PARP2: variants seen among roughly 807,000 people sequenced by gnomAD.
PARP2 encodes the protein poly(ADP-ribose) polymerase 2.
Under a neutral mutation model 77.8 loss-of-function variants are expected in PARP2, and 57 were observed. The ratio of observed to expected loss-of-function variants is 0.73; its 90% confidence interval spans 0.59 to 0.91. The LOEUF is 0.91. Ranked by LOEUF, PARP2 falls within the 40% of genes least tolerant of loss-of-function variation. The pLI, the probability that PARP2 is intolerant of heterozygous loss-of-function variation, is 0.00. For missense variants in PARP2, 651 were observed against 689.0 expected (o/e 0.94, Z 0.62); for synonymous variants, 226 against 242.6 (o/e 0.93, Z 0.64).
rs775102391 is a variant in PARP2, at chr14:20,344,898, G to A, written c.47-34G>A. On this transcript the variant is annotated intron_variant, in intron 1 of 15. Transcript: ENST00000429687. Reference sequence around the variant, plus strand: ...TTAAAATCTACACGTATTCGGGTGTGTACTCATTCTTTGCTAATTTCCAAA... The same window carrying A: ...TTAAAATCTACACGTATTCGGGTGTATACTCATTCTTTGCTAATTTCCAAA... The A allele has an allele frequency of 2.4e-5, 31 of 1,284,376 alleles. 1 individual carries two copies. Among genetic ancestry groups the A allele is most frequent in the Non-Finnish European group, 3.5e-5 (31 of 881,146 alleles). The allele number at this position is 1,284,376 out of a possible 1,614,324, so 79.6% of individuals were successfully genotyped here.
Position 20,354,738 on chromosome 14 carries a change from G to A in PARP2, c.764-71G>A. On this transcript the variant is annotated intron_variant, in intron 8 of 15. Coordinates refer to ENST00000429687, the MANE Select transcript of PARP2 (RefSeq NM_001042618.2). ...AGTTGAAAGATGAAAGTCTTTTTTA[G>A]GGAAGGATGTTAAGTACAGTTCACT... 9.2e-6 allele frequency: 13 copies of A among 1,408,892 alleles called. 1 individual carries two copies. The highest frequency in any genetic ancestry group is 2.0e-4 in the Middle Eastern group (1 of 5,040). 87.3% of individuals were successfully genotyped at this position (1,408,892 alleles called of 1,614,324 possible).
rs1188602715 is a variant in PARP2, at chr14:20,356,175, T to G, written c.1102-132T>G. The G allele has an allele frequency of 1.3e-5, 18 of 1,404,496 alleles. No individual in the cohort carries two copies. In the East Asian group the frequency reaches 4.1e-4, roughly 32 times the overall value. 87.0% of individuals were successfully genotyped at this position (1,404,496 alleles called of 1,614,324 possible). The stretch of plus-strand genomic sequence containing the variant: ...TACTAGGGATTTGGGAAGGCCAAGC[T>G]TTTCCTAGCTGCCTTGTAAGACTGT... On this transcript the variant is annotated intron_variant, in intron 11 of 15. Transcript: ENST00000429687.
rs1362556952 is a variant in PARP2 at position 20,354,155 on chromosome 14, G to A, written c.671G>A (p.Arg224Gln). 11 of 1,612,116 alleles carry A rather than the reference G, an allele frequency of 6.8e-6. No homozygotes were observed. The East Asian group carries it at 2.0e-4, about 29-fold the overall frequency. Residue 224 changes from arginine to glutamine, a missense_variant, in exon 8 of 16, where the codon CGG becomes CAG. By Grantham distance (43) the Arg-to-Gln change is conservative. Transcript: ENST00000429687. The stretch of plus-strand genomic sequence containing the variant: ...AAGCCAGAGTCACAGCTAGATCTTC[G>A]GGTACAGGAGTTAATAAAGTTGATC... ...PLKPESQLDL[R>Q]VQELIKLICN...
intron 9 of PARP2, 37 bp from the exon 10 acceptor site, chr14:20,355,715 T>G: frequency 1.3e-6 from 2 of 1,554,880 alleles, no homozygotes; most frequent in Non-Finnish European, 1.8e-6. Context: ...TAGCCACATG[T>G]CAGAAAGCTC....
intron 5 of PARP2, 77 bp downstream of exon 5, chr14:20,350,699 T>C: frequency 1.1e-6 from 1 of 915,934 alleles, no homozygotes; most frequent in Non-Finnish European, 1.8e-6. Flanking sequence ...CAAAGGATTC[T>C]CTGGGTTTAA....
chr14:20,346,628 G>A (rs1424251544), intron 3 of PARP2: 8 of 394,310 alleles, frequency 2.0e-5, no homozygotes, highest in East Asian at 7.6e-5. Flanking sequence ...GCCACCATGC[G>A]CAGCCTAACT....
intron 4 of PARP2, among the ~76,000 whole-genome samples, chr14:20,349,717 A>C (rs537335939): frequency 1.2e-4 from 18 of 152,046 alleles, no homozygotes; most frequent in African/African-American, 4.3e-4. Flanking sequence ...CTAACATCTA[A>C]TGACCTTTTT....
chr14:20,357,326 T>C (rs569140366), intron 14 of PARP2, 70 bp from the exon 15 acceptor site: 18 of 1,538,116 alleles, frequency 1.2e-5, no homozygotes, highest in Non-Finnish European at 1.4e-5. Context: ...CTGATGGGAT[T>C]TTCTGTTTGG....
chr14:20,357,041 T>C lies in PARP2; in HGVS notation c.1330-10T>C, dbSNP rs1374899065. 2 of 1,548,486 alleles carry C rather than the reference T, an allele frequency of 1.3e-6. No individual in the cohort carries two copies. Among genetic ancestry groups the C allele is most frequent in the Non-Finnish European group, 8.9e-7 (1 of 1,119,984 alleles). ...AGAAGCTGACCTTGGTATTCATGTA[T>C]ATATTTCAGTTTGGGAAAGGAATCT... On this transcript the variant is annotated splice_polypyrimidine_tract_variant and intron_variant, in intron 13 of 15. Coordinates refer to ENST00000429687, the MANE Select transcript of PARP2 (RefSeq NM_001042618.2).
rs1566425575 is a variant in PARP2, at chr14:20,357,465, C to T, written c.1498C>T (p.His500Tyr). 1 of 1,614,016 alleles carries T rather than the reference C, an allele frequency of 6.2e-7. No homozygotes were observed. Among genetic ancestry groups the T allele is most frequent in the South Asian group, 1.1e-5 (1 of 91,066 alleles). ...GGCCGAAGGATTGCTTCAAGGTAAACATAGCACCAAGGGGCTGGGCAAGAT... is the reference window on the plus strand; with the variant it reads ...GGCCGAAGGATTGCTTCAAGGTAAATATAGCACCAAGGGGCTGGGCAAGAT... ...PKAEGLLQGKHSTKGLGKMAP... is the reference protein window; with the variant it reads ...PKAEGLLQGKYSTKGLGKMAP... The change falls in exon 15 of 16, where the codon CAT (histidine) becomes TAT (tyrosine). Residue 500 changes from histidine to tyrosine, a missense_variant. Coordinates refer to ENST00000429687, the MANE Select transcript of PARP2 (RefSeq NM_001042618.2).
Position 20,357,885 on chromosome 14 carries a change from A to G in PARP2, c.*88A>G. On this transcript the variant is annotated 3_prime_UTR_variant, in exon 16 of 16. Transcript: ENST00000429687. ...TGTGAATTTTGTGATATTTTATGTA[A>G]TAAAAACTGTACAGGTCTACCACTG... 1 of 1,239,412 alleles carries G rather than the reference A, an allele frequency of 8.1e-7. No homozygotes were observed. Among genetic ancestry groups the G allele is most frequent in the South Asian group, 1.3e-5 (1 of 76,600 alleles). The allele number at this position is 1,239,412 out of a possible 1,614,324, so 76.8% of individuals were successfully genotyped here.
chr14:20,343,745 A>G, intron 1 of PARP2, 58 bp downstream of exon 1: 2 of 1,555,766 alleles, frequency 1.3e-6, no homozygotes, highest in Non-Finnish European at 1.8e-6. Context: ...GAAAGGAACG[A>G]TGCCACCTAC....
chr14:20,344,961 G>A lies in PARP2; in HGVS notation c.76G>A (p.Gly26Ser). 6.2e-7 allele frequency: 1 copy of A among 1,614,006 alleles called. No individual in the cohort carries two copies. The highest frequency in any genetic ancestry group is 8.5e-7 in the Non-Finnish European group (1 of 1,179,940). The change falls in exon 2 of 16, where the codon GGC (glycine) becomes AGC (serine). Residue 26 changes from glycine (G) to serine (S), a missense_variant. By Grantham distance (56) the Gly-to-Ser change is moderately conservative. Transcript: ENST00000429687. ...ALNESKRVNN[G>S]NTAPEDSSPA... The stretch of plus-strand genomic sequence containing the variant: ...AAATGAAAGCAAAAGAGTTAATAAT[G>A]GCAACACGGCTCCAGAAGACTCTTC...
chr14:20,347,343 C>CAT (rs35217486), intron 4 of PARP2, among the ~76,000 whole-genome samples: 1 of 76,868 alleles, frequency 1.3e-5, no homozygotes, highest in Non-Finnish European at 2.3e-5. Flanking sequence ...TAAAGTCCTT[C>CAT]ATATGTGTGT....
chr14:20,352,384 TC>T, intron 7 of PARP2, 37 bp downstream of exon 7: 1 of 1,265,532 alleles, frequency 7.9e-7, no homozygotes, highest in South Asian at 1.2e-5. Flanking sequence ...AAACACATCT[TC>T]TTTTTTTATT....
At chr14:20,351,422 G>A (rs968330491) in intron 6 of PARP2, among the ~76,000 whole-genome samples, 6 of 151,944 alleles carry the variant, frequency 3.9e-5, no homozygotes, top group African/African-American at 7.2e-5. Context: ...CAGGTGATCC[G>A]CCTGCCTCAG....
chr14:20,352,021 G>A (rs1027483195), intron 6 of PARP2, among the ~76,000 whole-genome samples: 2 of 152,214 alleles, frequency 1.3e-5, no homozygotes, highest in Non-Finnish European at 2.9e-5. Context: ...GTTTGGGAAG[G>A]ACAAGCATTG....
chr14:20,354,869 G>A lies in PARP2; in HGVS notation c.824G>A (p.Cys275Tyr), dbSNP rs199986271. Residue 275 changes from cysteine (C) to tyrosine (Y), a missense_variant, in exon 9 of 16, where the codon TGT (cysteine) becomes TAT (tyrosine). By Grantham distance (194) the Cys-to-Tyr change is radical. Coordinates refer to ENST00000429687, the MANE Select transcript of PARP2 (RefSeq NM_001042618.2). ...GYQSLKKIED[C>Y]IRAGQHGRAL... ...CAGTCTCTTAAGAAGATTGAGGATT[G>A]TATTCGGGCTGGCCAGCATGGACGA... 7.4e-6 allele frequency: 12 copies of A among 1,613,828 alleles called. No individual in the cohort carries two copies. Among genetic ancestry groups the A allele is most frequent in the Non-Finnish European group, 1.0e-5 (12 of 1,179,920 alleles).
chr14:20,354,005 A>C lies in PARP2; in HGVS notation c.601-80A>C. 2 of 1,108,150 alleles carry C rather than the reference A, an allele frequency of 1.8e-6. 1 individual carries two copies. Among genetic ancestry groups the C allele is most frequent in the South Asian group, 2.7e-5 (2 of 72,876 alleles). 68.6% of individuals were successfully genotyped at this position (1,108,150 alleles called of 1,614,324 possible). ...TATAAAAACTTTACAAAGCATTTAC[A>C]TTGTATAATATTGGGTGTTATAAGG... is the stretch of plus-strand genomic sequence containing the variant. On this transcript the variant is annotated intron_variant, in intron 7 of 15. Transcript: ENST00000429687.
Sources: gnomAD v4.1 joint callset for allele counts (sites outside exome capture counted in the v4.1 genomes callset) on GRCh38, gnomAD v4.1.1 for gene constraint, MANE v1.5 for transcripts, NCBI Gene and HGNC (gene_info 2026-07-23, HGNC 2026-07-21) for gene names.